Variants in TRIM24 observed in about 807,000 individuals in gnomAD.
The protein encoded by TRIM24 is tripartite motif containing 24.
In TRIM24, 29 loss-of-function variants were observed where a neutral mutation model predicts 123.9. The observed-to-expected ratio is 0.23, with a 90% CI of 0.17 to 0.32. TRIM24 has a LOEUF of 0.32. Ranked by LOEUF, TRIM24 falls within the 10% of genes least tolerant of loss-of-function variation. The pLI, the probability that TRIM24 is intolerant of heterozygous loss-of-function variation, is 1.00. For synonymous variants in TRIM24, 456 were observed against 461.1 expected (o/e 0.99, Z 0.14); for missense variants, 932 against 1,295.3 (o/e 0.72, Z 4.31).
At chr7:138,503,463 T>A (rs578125268) in intron 1 of TRIM24, among the ~76,000 whole-genome samples, 15 of 149,152 alleles carry the variant, frequency 1.0e-4, no homozygotes, top group South Asian at 4.2e-4. Flanking sequence ...TGTAAAAAAA[T>A]TTTTTTTTCA....
At chr7:138,501,329 C>T (rs1796034523) in intron 1 of TRIM24, among the ~76,000 whole-genome samples, 1 of 152,042 alleles carries the variant, frequency 6.6e-6, no homozygotes, top group African/African-American at 2.4e-5. Flanking sequence ...TCCTGGGGTT[C>T]AAGCAGTTCT....
intron 1 of TRIM24, among the ~76,000 whole-genome samples, chr7:138,469,658 A>G (rs1051680627): frequency 1.3e-5 from 2 of 152,202 alleles, no homozygotes; most frequent in Admixed American, 1.3e-4. Context: ...CCAAAATGGC[A>G]TGACTAAGTG....
intron 2 of TRIM24, among the ~76,000 whole-genome samples, chr7:138,504,748 C>A (rs1253017061): frequency 6.6e-6 from 1 of 151,342 alleles, no homozygotes; most frequent in Non-Finnish European, 1.5e-5. Context: ...GCGTGAGCCA[C>A]CGCACCTGGC....
chr7:138,508,522 C>CGGA (rs1796197342), intron 2 of TRIM24, among the ~76,000 whole-genome samples: 2 of 152,100 alleles, frequency 1.3e-5, no homozygotes, highest in Non-Finnish European at 2.9e-5. Flanking sequence ...GAGAAAGCTT[C>CGGA]CTTCATCAAT....
At chr7:138,550,174 G>T (rs1259565156) in intron 7 of TRIM24, among the ~76,000 whole-genome samples, 2 of 152,308 alleles carry the variant, frequency 1.3e-5, no homozygotes, top group East Asian at 3.9e-4. Context: ...CCTGAAGTAA[G>T]TGGTCATGTG....
At chr7:138,509,710 A>G (rs1185550699) in intron 2 of TRIM24, among the ~76,000 whole-genome samples, 1 of 150,678 alleles carries the variant, frequency 6.6e-6, no homozygotes, top group East Asian at 1.9e-4. Context: ...TCAAAAAAAA[A>G]AAAAAAAAAA....
At chr7:138,491,885 C>T (rs1795792421) in intron 1 of TRIM24, among the ~76,000 whole-genome samples, 1 of 150,910 alleles carries the variant, frequency 6.6e-6, no homozygotes, top group African/African-American at 2.4e-5. Flanking sequence ...GTGGTAATCT[C>T]ATTGTGGTTT....
At position 138,573,649 on chromosome 7, in the gene TRIM24, T is replaced by A; in HGVS notation, c.2014+7T>A. ...CCATCTCCAGGCCTTGCAGGTAAAG[T>A]GGGCTTCTTTTGATTTTTGTGAAAG... On this transcript the variant is annotated splice_region_variant and intron_variant, in intron 12 of 18. Coordinates refer to ENST00000343526, the MANE Select transcript of TRIM24 (RefSeq NM_015905.3). The A allele has an allele frequency of 1.3e-6, 2 of 1,591,546 alleles. No homozygotes were observed. The highest frequency in any genetic ancestry group is 1.7e-6 in the Non-Finnish European group (2 of 1,173,764).
At chr7:138,487,204 G>T (rs904288841) in intron 1 of TRIM24, among the ~76,000 whole-genome samples, 1 of 152,186 alleles carries the variant, frequency 6.6e-6, no homozygotes, top group African/African-American at 2.4e-5. Context: ...CTGAGACTTT[G>T]CTGAAGTTGC....
At chr7:138,533,312 C>T (rs2116595790) in intron 6 of TRIM24, among the ~76,000 whole-genome samples, 1 of 152,260 alleles carries the variant, frequency 6.6e-6, no homozygotes, top group Non-Finnish European at 1.5e-5. Flanking sequence ...AAAGGGAATG[C>T]TTCCAGTTTT....
intron 1 of TRIM24, among the ~76,000 whole-genome samples, chr7:138,462,561 C>G (rs1163807562): frequency 6.6e-6 from 1 of 151,728 alleles, no homozygotes; most frequent in Non-Finnish European, 1.5e-5. Flanking sequence ...AGGATGGTCT[C>G]GATCTCCTGA....
rs1241857856 is a variant in TRIM24, at chr7:138,559,327, G to A, written c.1530+4361G>A. ...TTCTATGAGTCCATTTTCTGACACT[G>A]GTATGAGGAGTGCCATGATGGGGAT... On this transcript the variant is annotated intron_variant, in intron 9 of 18. Transcript: ENST00000343526. Among the ~76,000 whole-genome samples the A allele has an allele frequency of 2.0e-5, 3 of 152,130 alleles. No individual in the cohort carries two copies. The South Asian group carries it at 6.2e-4, about 32-fold the overall frequency.
intron 17 of TRIM24, 44 bp downstream of exon 17, chr7:138,581,815 C>T: frequency 2.0e-6 from 3 of 1,463,770 alleles, no homozygotes; most frequent in South Asian, 2.4e-5. Context: ...CAGTGGAATG[C>T]TTTTCTGGAA....
At chr7:138,567,406 T>C in intron 9 of TRIM24, 75 bp from the exon 10 acceptor site, 1 of 1,390,398 alleles carries the variant, frequency 7.2e-7, no homozygotes, top group Non-Finnish European at 9.7e-7. Flanking sequence ...CTGTAAAAGT[T>C]TTATAAGATA....
At chr7:138,485,966 AG>A (rs1426187116) in intron 1 of TRIM24, among the ~76,000 whole-genome samples, 5 of 152,212 alleles carry the variant, frequency 3.3e-5, no homozygotes, top group Admixed American at 2.6e-4. Flanking sequence ...ACAGTGTAAA[AG>A]TGTTCCTATT....
chr7:138,535,688 T>C (rs1796854726), intron 6 of TRIM24, among the ~76,000 whole-genome samples: 1 of 152,208 alleles, frequency 6.6e-6, no homozygotes, highest in Non-Finnish European at 1.5e-5. Flanking sequence ...CTGATAATTA[T>C]GTGTCTTGGA....
At chr7:138,532,786 C>A (rs1029053958) in intron 6 of TRIM24, among the ~76,000 whole-genome samples, 22 of 152,198 alleles carry the variant, frequency 1.4e-4, no homozygotes, top group African/African-American at 5.3e-4. Context: ...GGCATTGAAT[C>A]TATAAATTAC....
intron 1 of TRIM24, 122 bp downstream of exon 1, chr7:138,461,034 G>C: frequency 1.0e-6 from 1 of 958,886 alleles, no homozygotes; most frequent in South Asian, 1.7e-5. Flanking sequence ...GGGGAGGGGC[G>C]AGCAGGAGGG....
At chr7:138,578,563 T>TGTGTGTGTGCGC (rs145011901) in intron 14 of TRIM24, among the ~76,000 whole-genome samples, 316 of 145,070 alleles carry the variant, frequency 2.2e-3, no homozygotes, top group African/African-American at 5.2e-3. Context: ...TGTGTGTGTG[T>TGTGTGTGTGCGC]GCGCGCACGC....
Sources: allele counts gnomAD v4.1 joint callset (sites outside exome capture counted in the v4.1 genomes callset), GRCh38; gene constraint gnomAD v4.1.1; transcripts MANE v1.5; gene names NCBI Gene and HGNC (gene_info 2026-07-23, HGNC 2026-07-21).